The following CRPPA variants were observed in gnomAD, a reference collection of about 807,000 sequenced individuals.
The protein encoded by CRPPA is CDP-L-ribitol pyrophosphorylase A.
CRPPA carries 43 observed loss-of-function variants against 52.0 expected under a neutral mutation model. The ratio of observed to expected loss-of-function variants is 0.83; its 90% CI spans 0.65 to 1.07. CRPPA has a LOEUF of 1.07. CRPPA is among the 50% of genes least tolerant of loss of function. CRPPA has a pLI of 0.00. For missense variants in CRPPA, 629 were observed against 551.7 expected, an observed-to-expected ratio of 1.14 and a Z score of -1.40; for synonymous variants, 250 against 203.5, an observed-to-expected ratio of 1.23 and a Z score of -1.94.
intron 8 of CRPPA, among the ~76,000 whole-genome samples, chr7:16,248,674 T>G (rs1208576169): frequency 1.3e-5 from 2 of 152,134 alleles, no homozygotes; most frequent in Non-Finnish European, 2.9e-5. Flanking sequence ...TTTCTGCACT[T>G]CCAACTGAGG....
chr7:16,317,824 G>T (rs1785179199), intron 3 of CRPPA, among the ~76,000 whole-genome samples: 1 of 152,144 alleles, frequency 6.6e-6, no homozygotes. Context: ...CCTCTGCATT[G>T]CTTGCTTTAA....
intron 9 of CRPPA, among the ~76,000 whole-genome samples, chr7:16,113,365 A>G (rs942487371): frequency 6.6e-6 from 1 of 152,094 alleles, no homozygotes; most frequent in Non-Finnish European, 1.5e-5. Context: ...ATATTTAATC[A>G]GAATCCCATA....
intron 8 of CRPPA, among the ~76,000 whole-genome samples, chr7:16,244,074 G>T (rs755147933): frequency 1.3e-5 from 2 of 151,964 alleles, no homozygotes; most frequent in Non-Finnish European, 2.9e-5. Context: ...TAACCTAAAG[G>T]ATTTTAAGAA....
rs1562608511 is a variant in CRPPA, at chr7:16,286,064, T to TA, written c.836-7839dup. ...ATATAAATATATATATATATATATA[T>TA]ATATATATATATATATAATATTTAA... On this transcript the variant is annotated intron_variant, in intron 5 of 9. Coordinates refer to ENST00000407010, the MANE Select transcript of CRPPA (RefSeq NM_001101426.4). Among the ~76,000 whole-genome samples the TA allele has an allele frequency of 9.1e-4, 27 of 29,768 alleles. 3 individuals carry two copies. The highest frequency in any genetic ancestry group is 4.1e-3 in the African/African-American group (20 of 4,834). The allele number at this position is 29,768 out of a possible 152,430, so 19.5% of individuals were successfully genotyped here.
chr7:16,215,932 C>G (rs1330246348), intron 9 of CRPPA, 134 bp downstream of exon 9: 10 of 631,796 alleles, frequency 1.6e-5, no homozygotes, highest in Non-Finnish European at 2.6e-5. Context: ...ACTATTATAG[C>G]ACACACATAG....
At chr7:16,153,635 A>C (rs764105444) in intron 9 of CRPPA, among the ~76,000 whole-genome samples, 1 of 152,100 alleles carries the variant, frequency 6.6e-6, no homozygotes, top group Non-Finnish European at 1.5e-5. Context: ...AAGTGACCTA[A>C]TTTTTTTCAA....
chr7:16,238,547 C>CA (rs1306290087), intron 8 of CRPPA, among the ~76,000 whole-genome samples: 13 of 151,830 alleles, frequency 8.6e-5, no homozygotes, highest in African/African-American at 3.1e-4. Context: ...CAATGAAACA[C>CA]AAAAATGGAA....
chr7:16,342,776 A>T (rs374637406), intron 3 of CRPPA, among the ~76,000 whole-genome samples: 26,966 of 55,522 alleles, frequency 0.49, 6,141 homozygotes, highest in South Asian at 0.67. Context: ...AAAAAAAAAA[A>T]AAAAAAATAT....
intron 3 of CRPPA, among the ~76,000 whole-genome samples, chr7:16,320,604 G>C (rs1446331137): frequency 6.6e-6 from 1 of 152,066 alleles, no homozygotes. Flanking sequence ...ATATACATTA[G>C]AGTAAAACTA....
At chr7:16,096,507 GT>G (rs1781937296) in intron 9 of CRPPA, among the ~76,000 whole-genome samples, 1 of 152,090 alleles carries the variant, frequency 6.6e-6, no homozygotes, top group Non-Finnish European at 1.5e-5. Flanking sequence ...AATTGGACTA[GT>G]TTTATAATGA....
At chr7:16,165,831 T>A (rs1331909366) in intron 9 of CRPPA, among the ~76,000 whole-genome samples, 2 of 152,224 alleles carry the variant, frequency 1.3e-5, no homozygotes, top group Admixed American at 6.5e-5. Flanking sequence ...CAGATGCACT[T>A]CTACAGAGAT....
At chr7:16,256,227 A>G (rs1352743063) in intron 8 of CRPPA, among the ~76,000 whole-genome samples, 1 of 152,214 alleles carries the variant, frequency 6.6e-6, no homozygotes, top group Admixed American at 6.5e-5. Context: ...CAAAACCACA[A>G]TGAGATACCA....
intron 9 of CRPPA, among the ~76,000 whole-genome samples, chr7:16,140,223 C>T (rs1056264525): frequency 6.6e-6 from 1 of 152,200 alleles, no homozygotes. Context: ...TCTCAGTTCA[C>T]TACAATGTCC....
At chr7:16,386,955 G>A (rs1787285302) in intron 2 of CRPPA, among the ~76,000 whole-genome samples, 2 of 151,028 alleles carry the variant, frequency 1.3e-5, no homozygotes, top group Non-Finnish European at 2.9e-5. Context: ...AGGAAGCAGA[G>A]GTTACAGTGA....
intron 9 of CRPPA, among the ~76,000 whole-genome samples, chr7:16,118,574 A>G (rs1192030466): frequency 6.6e-6 from 1 of 152,190 alleles, no homozygotes; most frequent in East Asian, 1.9e-4. Context: ...GAGAGTCAGC[A>G]CAAGTGAGAT....
Position 16,101,127 on chromosome 7 carries a change from G to C in CRPPA, c.1252-9328C>G, listed in dbSNP as rs914450677. 7.9e-5 allele frequency among the ~76,000 whole-genome samples: 12 copies of C among 152,212 alleles called. No homozygotes were observed. In the East Asian group the frequency reaches 2.3e-3, roughly 29 times the overall value. On this transcript the variant is annotated intron_variant, in intron 9 of 9. Transcript: ENST00000407010. Reference sequence around the variant, plus strand: ...CCTGAGACACAACTTTTTTTGTTGTGTCTCTGCCAGGTGTTTGTATCAGGA... The same window carrying C: ...CCTGAGACACAACTTTTTTTGTTGTCTCTCTGCCAGGTGTTTGTATCAGGA...
intron 9 of CRPPA, among the ~76,000 whole-genome samples, chr7:16,181,574 A>C (rs1781413371): frequency 1.3e-5 from 2 of 152,044 alleles, no homozygotes; most frequent in Admixed American, 1.3e-4. Flanking sequence ...AAACCTAATG[A>C]CATGAAATTG....
chr7:16,162,432 C>G (rs563938683), intron 9 of CRPPA, among the ~76,000 whole-genome samples: 255 of 152,196 alleles, frequency 1.7e-3, no homozygotes, highest in Non-Finnish European at 3.2e-3. Context: ...ATTTTGTTAT[C>G]TACACAGGAG....
At chr7:16,327,550 G>C (rs6973279) in intron 3 of CRPPA, among the ~76,000 whole-genome samples, 24,367 of 139,644 alleles carry the variant, frequency 0.17, 2,467 homozygotes, top group South Asian at 0.43. Flanking sequence ...CCGAGATTGC[G>C]CCACTGCAGT....
Sources: gnomAD v4.1 joint callset for allele counts (sites outside exome capture counted in the v4.1 genomes callset) on GRCh38, gnomAD v4.1.1 for gene constraint, MANE v1.5 for transcripts, NCBI Gene and HGNC (gene_info 2026-07-23, HGNC 2026-07-21) for gene names.